NPTX2: variants seen among roughly 807,000 people sequenced by gnomAD.
NPTX2 encodes neuronal pentraxin 2, also known as neuronal pentraxin-2.
In NPTX2, 23 loss-of-function variants were observed where a neutral mutation model predicts 38.1. That is an observed-to-expected ratio of 0.60 (90% CI 0.43 to 0.85). The LOEUF (loss-of-function observed/expected upper bound fraction) is 0.85, where lower values mean the gene tolerates loss of function less well. Ranked by LOEUF, NPTX2 falls within the 40% of genes least tolerant of loss-of-function variation. The pLI, the probability that NPTX2 is intolerant of heterozygous loss-of-function variation, is 0.00. For synonymous variants in NPTX2, 291 were observed against 287.3 expected (o/e 1.01, Z -0.13); for missense variants, 553 against 615.3 (o/e 0.90, Z 1.07).
At chr7:98,625,868 G>A (rs1791338488) in intron 3 of NPTX2, among the ~76,000 whole-genome samples, 1 of 152,002 alleles carries the variant, frequency 6.6e-6, no homozygotes, top group African/African-American at 2.4e-5. Context: ...CTCAAGGGCT[G>A]GGCATGGTAG....
At chr7:98,624,759 A>G (rs567992934) in intron 2 of NPTX2, among the ~76,000 whole-genome samples, 163 bp from the exon 3 acceptor site, 2 of 152,266 alleles carry the variant, frequency 1.3e-5, no homozygotes, top group East Asian at 3.9e-4. Flanking sequence ...TCAGCCTTTT[A>G]TCAGTGGCTG....
chr7:98,624,957 G>A lies in NPTX2; in HGVS notation c.679G>A (p.Val227Met), dbSNP rs774345118. The A allele has an allele frequency of 1.2e-6, 2 of 1,613,540 alleles. No individual in the cohort carries two copies. Among genetic ancestry groups the A allele is most frequent in the East Asian group, 2.2e-5 (1 of 44,886 alleles). The change falls in exon 3 of 5, where the codon GTG becomes ATG. Residue 227 changes from valine to methionine, a missense_variant. Physicochemically the swap from Val to Met is conservative, Grantham distance 21 (BLOSUM62 1). Transcript: ENST00000265634. Reference sequence around the variant, plus strand: ...CTTTAAGTCACCAGATGCGTTCAAGGTGTCCCTCCCACTCCGCACAAACTA... The same window carrying A: ...CTTTAAGTCACCAGATGCGTTCAAGATGTCCCTCCCACTCCGCACAAACTA... ...SAFKSPDAFK[V>M]SLPLRTNYLY...
In NPTX2 at chr7:98,629,156, T is replaced by G. The variant is rs1791402324; in HGVS notation, c.*527T>G. On this transcript the variant is annotated 3_prime_UTR_variant, in exon 5 of 5. Coordinates refer to ENST00000265634, the MANE Select transcript of NPTX2 (RefSeq NM_002523.3). Reference sequence around the variant, plus strand: ...GCCTCTCCCTTTGTGTTCTATACATTGTGAATCTTCCCGTCTGAAGAACGC... The same window carrying G: ...GCCTCTCCCTTTGTGTTCTATACATGGTGAATCTTCCCGTCTGAAGAACGC... The G allele has an allele frequency of 6.6e-6, 1 of 152,390 alleles. No homozygotes were observed. Among genetic ancestry groups the G allele is most frequent in the Non-Finnish European group, 1.5e-5 (1 of 68,176 alleles). 9.4% of individuals were successfully genotyped at this position (152,390 alleles called of 1,614,324 possible).
intron 3 of NPTX2, among the ~76,000 whole-genome samples, chr7:98,626,618 C>T (rs1190464916): frequency 5.9e-5 from 9 of 152,174 alleles, no homozygotes; most frequent in Admixed American, 1.3e-4. Context: ...GGTTCATAGG[C>T]GAGCCTGCAT....
chr7:98,617,296 C>G lies in NPTX2; in HGVS notation c.-166C>G, dbSNP rs1791181022. Reference sequence around the variant, plus strand: ...GGACCCGGCAGGCCAGAGTGCCGAGCAGCGCGGTGGGTGCGGCTGTGAGAC... The same window carrying G: ...GGACCCGGCAGGCCAGAGTGCCGAGGAGCGCGGTGGGTGCGGCTGTGAGAC... On this transcript the variant is annotated 5_prime_UTR_variant, in exon 1 of 5. Coordinates refer to ENST00000265634, the MANE Select transcript of NPTX2 (RefSeq NM_002523.3). 3.6e-6 allele frequency: 1 copy of G among 277,924 alleles called. No homozygotes were observed. The highest frequency in any genetic ancestry group is 6.7e-6 in the Non-Finnish European group (1 of 150,126). 17.2% of individuals were successfully genotyped at this position (277,924 alleles called of 1,614,324 possible).
intron 1 of NPTX2, among the ~76,000 whole-genome samples, 176 bp downstream of exon 1, chr7:98,618,063 C>T (rs1437286248): frequency 2.0e-5 from 3 of 152,162 alleles, no homozygotes; most frequent in Non-Finnish European, 4.4e-5. Context: ...CGGGAACTCC[C>T]CTGCGTGGTA....
At position 98,617,301 on chromosome 7, in the gene NPTX2, C is replaced by T. The variant is rs1430573638; in HGVS notation, c.-161C>T. 7.5e-5 allele frequency: 21 copies of T among 279,150 alleles called. 1 individual carries two copies. The highest frequency in any genetic ancestry group is 1.0e-3 in the Middle Eastern group (1 of 958). 17.3% of individuals were successfully genotyped at this position (279,150 alleles called of 1,614,324 possible). On this transcript the variant is annotated 5_prime_UTR_variant, in exon 1 of 5. Coordinates refer to ENST00000265634, the MANE Select transcript of NPTX2 (RefSeq NM_002523.3). Reference sequence around the variant, plus strand: ...CGGCAGGCCAGAGTGCCGAGCAGCGCGGTGGGTGCGGCTGTGAGACGGCAG... The same window carrying T: ...CGGCAGGCCAGAGTGCCGAGCAGCGTGGTGGGTGCGGCTGTGAGACGGCAG...
chr7:98,626,781 T>C (rs1266949327), intron 3 of NPTX2, among the ~76,000 whole-genome samples: 1 of 152,196 alleles, frequency 6.6e-6, no homozygotes, highest in Non-Finnish European at 1.5e-5. Flanking sequence ...CACAGATCCC[T>C]GCGTGCCATC....
rs1209632064 is a variant in NPTX2 at position 98,619,567 on chromosome 7, C to G, written c.427-76C>G. 8 of 1,256,122 alleles carry G rather than the reference C, an allele frequency of 6.4e-6. No homozygotes were observed. In the East Asian group the frequency reaches 1.4e-4, roughly 22 times the overall value. The allele number at this position is 1,256,122 out of a possible 1,614,324, so 77.8% of individuals were successfully genotyped here. A position where few individuals can be genotyped will look rare whatever the true frequency, so the allele number is the denominator to read the frequency against. The stretch of plus-strand genomic sequence containing the variant: ...TTTTGGAAGCTTCTCCCTGTGTGGT[C>G]GGGCCATCACAGCCACATTTCACAA... On this transcript the variant is annotated intron_variant, in intron 1 of 4. Transcript: ENST00000265634.
rs373974077 is a variant in NPTX2 at position 98,625,175 on chromosome 7, C to T, written c.888+9C>T. On this transcript the variant is annotated intron_variant, in intron 3 of 4. Transcript: ENST00000265634. ...TGCTCATCAACGACAAGGTGAGGCCCGCCTGCACCGCCACCCTCCCCAGAA... is the reference window on the plus strand; with the variant it reads ...TGCTCATCAACGACAAGGTGAGGCCTGCCTGCACCGCCACCCTCCCCAGAA... 1.7e-5 allele frequency: 27 copies of T among 1,571,414 alleles called. No homozygotes were observed. The highest frequency in any genetic ancestry group is 9.4e-5 in the African/African-American group (7 of 74,432).
chr7:98,626,026 G>A (rs1791341555), intron 3 of NPTX2, among the ~76,000 whole-genome samples: 1 of 151,554 alleles, frequency 6.6e-6, no homozygotes, highest in Admixed American at 6.6e-5. Flanking sequence ...TGCACCTGTA[G>A]TTCCAGCTAC....
At position 98,617,486 on chromosome 7, in the gene NPTX2, G is replaced by A. The variant is rs1200063658; in HGVS notation, c.25G>A (p.Val9Met). 24 of 1,233,414 alleles carry A rather than the reference G, an allele frequency of 1.9e-5. No homozygotes were observed. The highest frequency in any genetic ancestry group is 2.3e-5 in the Non-Finnish European group (23 of 983,096). 76.4% of individuals were successfully genotyped at this position (1,233,414 alleles called of 1,614,324 possible). MLALLAAS[V>M]ALAVAAGAQD... is the part of the protein sequence containing the mutation. ...GATGCTGGCGCTGCTGGCCGCCAGC[G>A]TGGCGCTCGCCGTGGCCGCTGGGGC... is the stretch of plus-strand genomic sequence containing the variant. The change falls in exon 1 of 5, where the codon GTG (valine) becomes ATG (methionine). Residue 9 changes from valine (V) to methionine (M), a missense_variant. By Grantham distance (21) the Val-to-Met change is conservative (BLOSUM62 1). Transcript: ENST00000265634.
Position 98,617,845 on chromosome 7 carries a change from C to T in NPTX2, c.384C>T (p.Ser128=). The change falls in exon 1 of 5, where the codon AGC becomes AGT. Residue 128 remains serine, a synonymous_variant. Coordinates refer to ENST00000265634, the MANE Select transcript of NPTX2 (RefSeq NM_002523.3). ...CCGGCCACGTCGTGGAGCAGCTCAG[C>T]CGCTCGCTGCAGACCCTCAAGGACC... ...RDPGHVVEQL[S]RSLQTLKDRL... is the part of the protein sequence containing the mutation. 1 of 1,554,928 alleles carries T rather than the reference C, an allele frequency of 6.4e-7. No individual in the cohort carries two copies. The highest frequency in any genetic ancestry group is 8.6e-7 in the Non-Finnish European group (1 of 1,158,868).
chr7:98,618,595 T>TCCCCCCCCCCCCC (rs1221869556), intron 1 of NPTX2, among the ~76,000 whole-genome samples: 41 of 29,126 alleles, frequency 1.4e-3, no homozygotes, highest in African/African-American at 2.0e-3. Context: ...TCCCCCTCCG[T>TCCCCCCCCCCCCC]CCCCCCCCCC....
chr7:98,621,595 C>T (rs140657346), intron 2 of NPTX2, among the ~76,000 whole-genome samples: 3 of 152,314 alleles, frequency 2.0e-5, no homozygotes, highest in Admixed American at 6.5e-5. Context: ...TGATTGGAAA[C>T]GATGCCAAGT....
chr7:98,625,141 C>G lies in NPTX2; in HGVS notation c.863C>G (p.Pro288Arg). ...EIVLIEWGNN[P>R]IELLINDKVA... Reference sequence around the variant, plus strand: ...GTGCTGATCGAGTGGGGCAACAACCCCATCGAGCTGCTCATCAACGACAAG... The same window carrying G: ...GTGCTGATCGAGTGGGGCAACAACCGCATCGAGCTGCTCATCAACGACAAG... The change falls in exon 3 of 5, where the codon CCC (proline) becomes CGC (arginine). Residue 288 changes from proline to arginine, a missense_variant. Physicochemically the swap from Pro to Arg is moderately radical, Grantham distance 103. Coordinates refer to ENST00000265634, the MANE Select transcript of NPTX2 (RefSeq NM_002523.3). 2 of 1,600,036 alleles carry G rather than the reference C, an allele frequency of 1.2e-6. No individual in the cohort carries two copies. Among genetic ancestry groups the G allele is most frequent in the Non-Finnish European group, 1.7e-6 (2 of 1,170,390 alleles).
At chr7:98,619,572 C>T in intron 1 of NPTX2, 71 bp from the exon 2 acceptor site, 1 of 1,321,536 alleles carries the variant, frequency 7.6e-7, no homozygotes, top group Non-Finnish European at 1.1e-6. Flanking sequence ...GTGGTCGGGC[C>T]ATCACAGCCA....
rs1791406512 is a variant in NPTX2, at chr7:98,629,339, G to C, written c.*710G>C. 6.6e-6 allele frequency: 1 copy of C among 152,600 alleles called. No individual in the cohort carries two copies. The highest frequency in any genetic ancestry group is 1.5e-5 in the Non-Finnish European group (1 of 68,056). 9.5% of individuals were successfully genotyped at this position (152,600 alleles called of 1,614,324 possible). On this transcript the variant is annotated 3_prime_UTR_variant, in exon 5 of 5. Transcript: ENST00000265634. ...CCTTCCTTAGACTGATGCTTTGACT[G>C]AATCATCACTAGCTATGGCATTAAA...
intron 2 of NPTX2, among the ~76,000 whole-genome samples, chr7:98,623,757 T>C (rs1459504100): frequency 2.6e-5 from 4 of 152,176 alleles, no homozygotes; most frequent in African/African-American, 4.8e-5. Context: ...CAAGTGTTTA[T>C]TGGGTGCCTG....
Sources: allele counts gnomAD v4.1 joint callset (sites outside exome capture counted in the v4.1 genomes callset), GRCh38; gene constraint gnomAD v4.1.1; transcripts MANE v1.5; gene names NCBI Gene and HGNC (gene_info 2026-07-23, HGNC 2026-07-21).